Variants in CDCA5 observed in about 807,000 individuals in gnomAD.
The protein encoded by CDCA5 is sororin.
CDCA5 carries 14 observed loss-of-function variants against 25.7 expected under a neutral mutation model. The ratio of observed to expected loss-of-function variants is 0.54; its 90% confidence interval spans 0.36 to 0.85. CDCA5 has a LOEUF of 0.85. Ranked by LOEUF, CDCA5 falls within the 40% of genes least tolerant of loss-of-function variation. The probability of loss-of-function intolerance (pLI) is 0.01; values close to 1 mark genes in which losing one functional copy is unlikely to be tolerated. For synonymous variants in CDCA5, 127 were observed against 128.7 expected (o/e 0.99, Z 0.09); for missense variants, 307 against 324.5 (o/e 0.95, Z 0.41).
chr11:65,064,417 C>CAAAAAA (rs11318233), downstream of CDCA5, among the ~76,000 whole-genome samples: 1 of 86,334 alleles, frequency 1.2e-5, no homozygotes, highest in Non-Finnish European at 2.3e-5. Context: ...GACTCTGTCG[C>CAAAAAA]AAAAAAAAAA....
At chr11:65,080,080 C>T (rs966716680) in intron 4 of CDCA5, among the ~76,000 whole-genome samples, 5 of 151,964 alleles carry the variant, frequency 3.3e-5, no homozygotes, top group East Asian at 1.9e-4. Flanking sequence ...TTAGTAGAGA[C>T]GGGGTTTCAC....
downstream of CDCA5, among the ~76,000 whole-genome samples, chr11:65,075,314 T>G (rs1310070005): frequency 6.6e-6 from 1 of 152,016 alleles, no homozygotes; most frequent in Non-Finnish European, 1.5e-5. Context: ...GGAGAATCAC[T>G]TGAACCCAGG....
At chr11:65,063,170 T>G (rs1005575556), downstream of CDCA5, among the ~76,000 whole-genome samples, 2 of 152,198 alleles carry the variant, frequency 1.3e-5, no homozygotes, top group African/African-American at 4.8e-5. Context: ...AAGGCAGCCA[T>G]GCATAGGACA....
rs997144391 is a variant in CDCA5, at chr11:65,078,619, G to A, written c.*488C>T. ...TTACAGAATCAAAGGGGAAACCCAC[G>A]GAACTGAAAACCTCTTTACACAGGT... On this transcript the variant is annotated 3_prime_UTR_variant, in exon 6 of 6. Transcript: ENST00000275517. 4 of 987,388 alleles carry A rather than the reference G, an allele frequency of 4.1e-6. No individual in the cohort carries two copies. Among genetic ancestry groups the A allele is most frequent in the South Asian group, 4.7e-5 (1 of 21,314 alleles). 61.2% of individuals were successfully genotyped at this position (987,388 alleles called of 1,614,324 possible). A position where few individuals can be genotyped will look rare whatever the true frequency, so the allele number is the denominator to read the frequency against.
intron 4 of CDCA5, 76 bp downstream of exon 4, chr11:65,083,288 T>G: frequency 6.4e-7 from 1 of 1,554,270 alleles, no homozygotes; most frequent in Non-Finnish European, 8.9e-7. Flanking sequence ...TGGGCAGATG[T>G]GAGGAGCCAA....
At position 65,084,015 on chromosome 11, in the gene CDCA5, G is replaced by A. The variant is rs778916067; in HGVS notation, c.-37C>T. On this transcript the variant is annotated 5_prime_UTR_variant, in exon 1 of 6. Transcript: ENST00000275517. ...CGTCTCGAGCTCCTCCAGCGCCGCC[G>A]CCCCGGGCGCGCGCCAACCGGGAAG... The A allele has an allele frequency of 6.3e-7, 1 of 1,590,158 alleles. No homozygotes were observed. The highest frequency in any genetic ancestry group is 2.2e-5 in the East Asian group (1 of 44,588).
downstream of CDCA5, among the ~76,000 whole-genome samples, chr11:65,074,402 A>T (rs754036019): frequency 7.9e-5 from 12 of 152,126 alleles, no homozygotes; most frequent in Non-Finnish European, 1.5e-4. Context: ...GCTGAATAAT[A>T]TTCCACTGTA....
chr11:65,064,417 CA>C (rs11318233), downstream of CDCA5, among the ~76,000 whole-genome samples: 47,304 of 86,318 alleles, frequency 0.55, 9,621 homozygotes, highest in Middle Eastern at 0.65. Flanking sequence ...GACTCTGTCG[CA>C]AAAAAAAAAA....
At chr11:65,071,701 G>A (rs1161228076) in intron 1 of CDCA5, among the ~76,000 whole-genome samples, 1 of 152,230 alleles carries the variant, frequency 6.6e-6, no homozygotes, top group Non-Finnish European at 1.5e-5. Context: ...ATGGCCACAT[G>A]TTGGTGCCCA....
At chr11:65,065,951 C>T (rs1321993836), downstream of CDCA5, among the ~76,000 whole-genome samples, 1 of 152,080 alleles carries the variant, frequency 6.6e-6, no homozygotes, top group Non-Finnish European at 1.5e-5. Context: ...CTTCCCCTAT[C>T]CCTCCCCCGC....
downstream of CDCA5, among the ~76,000 whole-genome samples, chr11:65,061,792 AAAAC>A (rs1947188859): frequency 6.6e-6 from 1 of 150,850 alleles, no homozygotes; most frequent in Non-Finnish European, 1.5e-5. Flanking sequence ...AAAAAAAAAA[AAAAC>A]AAAAAAAACC....
intron 4 of CDCA5, among the ~76,000 whole-genome samples, chr11:65,067,220 A>G (rs1314700168): frequency 6.6e-6 from 1 of 152,090 alleles, no homozygotes; most frequent in Non-Finnish European, 1.5e-5. Flanking sequence ...TTTGGGCTGT[A>G]GGCAGGGTTG....
intron 1 of CDCA5, among the ~76,000 whole-genome samples, chr11:65,071,458 T>C (rs1187864601): frequency 1.3e-5 from 2 of 151,508 alleles, no homozygotes; most frequent in Non-Finnish European, 2.9e-5. Flanking sequence ...GCAATTCTCC[T>C]GCCTCAGCCT....
chr11:65,075,559 G>A (rs1022773029), downstream of CDCA5, among the ~76,000 whole-genome samples: 2 of 142,466 alleles, frequency 1.4e-5, no homozygotes, highest in Admixed American at 7.1e-5. Context: ...GGGTGGGGGG[G>A]ATGTTGAGGG....
downstream of CDCA5, among the ~76,000 whole-genome samples, chr11:65,076,721 A>C (rs1400074608): frequency 6.6e-6 from 1 of 152,128 alleles, no homozygotes. Flanking sequence ...AAGTGGGAGA[A>C]TTTCCAGGCA....
downstream of CDCA5, among the ~76,000 whole-genome samples, chr11:65,073,234 C>T (rs760951373): frequency 5.3e-5 from 8 of 152,060 alleles, no homozygotes; most frequent in African/African-American, 1.9e-4. Flanking sequence ...TGTGAGCCAC[C>T]GCGCCCGGCC....
intron 2 of CDCA5, chr11:65,068,150 A>G (rs1031087657): frequency 1.1e-5 from 14 of 1,246,018 alleles, no homozygotes; most frequent in Non-Finnish European, 1.4e-5. Context: ...GTGACTGGAG[A>G]GGGTCACGGC....
chr11:65,067,820 G>A, intron 3 of CDCA5: 16 of 1,021,250 alleles, frequency 1.6e-5, no homozygotes, highest in Non-Finnish European at 2.1e-5. Context: ...GGTGGGTGGT[G>A]TGGGGGTGCC....
Position 65,082,709 on chromosome 11 carries a change from G to A in CDCA5, c.243+655C>T, listed in dbSNP as rs184910099. Among the ~76,000 whole-genome samples, 5 of 152,016 alleles carry A rather than the reference G, an allele frequency of 3.3e-5. No individual in the cohort carries two copies. The East Asian group carries it at 9.7e-4, about 29-fold the overall frequency. ...ACTCTTGACCACAAGTGATCTGCCC[G>A]CCTCAGCCTCCCAAAATGCTAGGAT... On this transcript the variant is annotated intron_variant, in intron 4 of 5. Coordinates refer to ENST00000275517, the MANE Select transcript of CDCA5 (RefSeq NM_080668.4).
Sources: allele counts gnomAD v4.1 joint callset (sites outside exome capture counted in the v4.1 genomes callset), GRCh38; gene constraint gnomAD v4.1.1; transcripts MANE v1.5; gene names NCBI Gene and HGNC (gene_info 2026-07-23, HGNC 2026-07-21).